NAALADL2: variants seen among roughly 807,000 people sequenced by gnomAD.
NAALADL2 encodes inactive N-acetylated-alpha-linked acidic dipeptidase-like protein 2.
A neutral mutation model predicts 87.2 loss-of-function variants in NAALADL2; 76 were observed. That is an observed-to-expected ratio of 0.87 (90% CI 0.72 to 1.05). The LOEUF is 1.05. Among genes scored for constraint, NAALADL2 ranks in the 50% least tolerant of loss-of-function variants. The probability of loss-of-function intolerance (pLI) is 0.00; values close to 1 mark genes in which losing one functional copy is unlikely to be tolerated. For synonymous variants in NAALADL2, 354 were observed against 331.0 expected, an observed-to-expected ratio of 1.07 and a Z score of -0.75; for missense variants, 1,089 against 945.8, an observed-to-expected ratio of 1.15 and a Z score of -1.99.
At chr3:175,332,963 T>A (rs1395114493) in intron 5 of NAALADL2, among the ~76,000 whole-genome samples, 1 of 152,204 alleles carries the variant, frequency 6.6e-6, no homozygotes, top group African/African-American at 2.4e-5. Flanking sequence ...ATTGACCCAT[T>A]TATCAATATG....
chr3:174,660,993 G>T (rs1255970839), intron 2 of NAALADL2, among the ~76,000 whole-genome samples: 1 of 152,102 alleles, frequency 6.6e-6, no homozygotes, highest in Non-Finnish European at 1.5e-5. Flanking sequence ...GTAAAAAATG[G>T]TACATCATTA....
chr3:175,587,627 G>A (rs1300089608), intron 10 of NAALADL2, among the ~76,000 whole-genome samples: 1 of 151,978 alleles, frequency 6.6e-6, no homozygotes, highest in Non-Finnish European at 1.5e-5. Context: ...GATTGGGAAG[G>A]GTGGGTTAAA....
chr3:175,708,716 C>T (rs114034246), intron 11 of NAALADL2, among the ~76,000 whole-genome samples: 9 of 151,680 alleles, frequency 5.9e-5, no homozygotes, highest in Non-Finnish European at 8.8e-5. Flanking sequence ...TTCCCTCCCC[C>T]CAAAGCCATT....
At chr3:174,848,607 CATG>C (rs1724900373) in intron 3 of NAALADL2, among the ~76,000 whole-genome samples, 1 of 152,150 alleles carries the variant, frequency 6.6e-6, no homozygotes, top group Admixed American at 6.5e-5. Flanking sequence ...TGAAAATCTT[CATG>C]ATAATTTTTA....
At chr3:174,787,622 G>GTATATATATATATATA (rs1716964713) in intron 3 of NAALADL2, among the ~76,000 whole-genome samples, 1 of 15,006 alleles carries the variant, frequency 6.7e-5, no homozygotes, top group African/African-American at 2.2e-4. Flanking sequence ...TATATATATA[G>GTATATATATATATATA]TAGTGACTCT....
chr3:175,354,873 C>CATAT (rs201840775), intron 5 of NAALADL2, among the ~76,000 whole-genome samples: 8 of 108,060 alleles, frequency 7.4e-5, no homozygotes, highest in African/African-American at 9.8e-5. Context: ...TACATACATA[C>CATAT]ATATATATAC....
At chr3:174,899,698 T>A (rs1732071724) in intron 1 of NAALADL2, among the ~76,000 whole-genome samples, 1 of 152,166 alleles carries the variant, frequency 6.6e-6, no homozygotes, top group Non-Finnish European at 1.5e-5. Context: ...CCATGGATAT[T>A]TCTTTATAGC....
chr3:175,632,178 T>TG (rs1190810309), intron 11 of NAALADL2, among the ~76,000 whole-genome samples: 1 of 151,900 alleles, frequency 6.6e-6, no homozygotes, highest in African/African-American at 2.4e-5. Context: ...GATTGAATCA[T>TG]GGGGGCAGAC....
intron 5 of NAALADL2, among the ~76,000 whole-genome samples, chr3:175,370,019 A>T (rs1161206426): frequency 6.6e-6 from 1 of 152,166 alleles, no homozygotes; most frequent in African/African-American, 2.4e-5. Context: ...CTAAGATTGA[A>T]TTTAATATTG....
intron 2 of NAALADL2, among the ~76,000 whole-genome samples, chr3:175,199,065 T>C (rs958471198): frequency 6.6e-6 from 1 of 152,176 alleles, no homozygotes; most frequent in African/African-American, 2.4e-5. Context: ...TGTTAGATGC[T>C]ATACAATTAT....
chr3:174,596,331 C>G (rs1242680257), intron 2 of NAALADL2, among the ~76,000 whole-genome samples: 3 of 152,160 alleles, frequency 2.0e-5, no homozygotes, highest in Non-Finnish European at 4.4e-5. Flanking sequence ...ATCCATAACT[C>G]CTTGATTATC....
chr3:174,494,555 A>G lies in NAALADL2; in HGVS notation c.-184+53523A>G, dbSNP rs147919952. Among the ~76,000 whole-genome samples the G allele has an allele frequency of 5.4e-3, 820 of 152,078 alleles. 4 individuals are homozygous for G. Among genetic ancestry groups the G allele is most frequent in the Middle Eastern group, 0.01 (3 of 294 alleles). On this transcript the variant is annotated intron_variant, in intron 1 of 3. Transcript: ENST00000434257. Reference sequence around the variant, plus strand: ...AAGTTAATGAGTGCAGCACACCAGCATGGCACATGTATACATATGTAACAA... The same window carrying G: ...AAGTTAATGAGTGCAGCACACCAGCGTGGCACATGTATACATATGTAACAA...
intron 1 of NAALADL2, among the ~76,000 whole-genome samples, chr3:174,990,552 A>G (rs1373220061): frequency 1.3e-5 from 2 of 152,152 alleles, no homozygotes; most frequent in African/African-American, 2.4e-5. Context: ...GTTTTAAATA[A>G]GCATAGCTTT....
At chr3:175,160,018 TAGTAGAGATGGGG>T (rs1732911525) in intron 2 of NAALADL2, among the ~76,000 whole-genome samples, 1 of 151,204 alleles carries the variant, frequency 6.6e-6, no homozygotes, top group Non-Finnish European at 1.5e-5. Flanking sequence ...TTTTTACTTT[TAGTAGAGATGGGG>T]TTTCACCGTG....
At position 174,897,150 on chromosome 3, in the gene NAALADL2, G is replaced by A. The variant is rs568863165; in HGVS notation, c.43+37700G>A. 2.0e-5 allele frequency among the ~76,000 whole-genome samples: 3 copies of A among 152,222 alleles called. 1 individual carries two copies. The South Asian group carries it at 6.2e-4, about 32-fold the overall frequency. ...TACCCCAGAAGCACAGACAACCAAA[G>A]CAAACATGGACAAATTGAATCATGT... On this transcript the variant is annotated intron_variant, in intron 1 of 13. Coordinates refer to ENST00000454872, the MANE Select transcript of NAALADL2 (RefSeq NM_207015.3).
chr3:174,443,173 A>G (rs903391031), intron 1 of NAALADL2, among the ~76,000 whole-genome samples: 2 of 152,228 alleles, frequency 1.3e-5, no homozygotes, highest in African/African-American at 4.8e-5. Flanking sequence ...GTTTGATACC[A>G]TTACTCTGCC....
chr3:174,692,415 T>G (rs1361939875), intron 2 of NAALADL2, among the ~76,000 whole-genome samples: 1 of 152,188 alleles, frequency 6.6e-6, no homozygotes, highest in Non-Finnish European at 1.5e-5. Flanking sequence ...CTACTGAGAT[T>G]TAGTAGATTT....
chr3:174,715,050 G>A (rs1185377756), intron 2 of NAALADL2, among the ~76,000 whole-genome samples: 2 of 152,190 alleles, frequency 1.3e-5, no homozygotes, highest in Non-Finnish European at 2.9e-5. Context: ...CATCTATTGA[G>A]ATAATCATGT....
intron 1 of NAALADL2, among the ~76,000 whole-genome samples, chr3:174,542,054 GA>G (rs1722288151): frequency 6.6e-6 from 1 of 152,180 alleles, no homozygotes; most frequent in Non-Finnish European, 1.5e-5. Context: ...CAAATTAAGG[GA>G]TGGGTTATTC....
Sources: gnomAD v4.1 joint callset for allele counts (sites outside exome capture counted in the v4.1 genomes callset) on GRCh38, gnomAD v4.1.1 for gene constraint, MANE v1.5 for transcripts, NCBI Gene and HGNC (gene_info 2026-07-23, HGNC 2026-07-21) for gene names.